The following LRP6 variants were observed in gnomAD, a reference collection of about 807,000 sequenced individuals.
LRP6 encodes LDL receptor related protein 6, also known as low-density lipoprotein receptor-related protein 6.
LRP6 carries 43 observed loss-of-function variants against 184.1 expected under a neutral mutation model. That is an observed-to-expected ratio of 0.23 (90% CI 0.18 to 0.30). LRP6 has a LOEUF of 0.30. Ranked by LOEUF, LRP6 falls within the 10% of genes least tolerant of loss-of-function variation. LRP6 has a pLI of 1.00. For missense variants in LRP6, 1,571 were observed against 2,005.3 expected (o/e 0.78, Z 4.14); for synonymous variants, 719 against 684.9 (o/e 1.05, Z -0.78).
At chr12:12,159,187 A>T in intron 11 of LRP6, 32 bp from the exon 12 acceptor site, 1 of 1,536,374 alleles carries the variant, frequency 6.5e-7, no homozygotes, top group Non-Finnish European at 9.0e-7. Flanking sequence ...ACAGGGGAGA[A>T]GCAGAGTGAT....
At chr12:12,220,845 C>T (rs1864468624) in intron 2 of LRP6, among the ~76,000 whole-genome samples, 1 of 152,170 alleles carries the variant, frequency 6.6e-6, no homozygotes, top group Non-Finnish European at 1.5e-5. Flanking sequence ...AGTGATCCGC[C>T]CACCTCAGTC....
intron 20 of LRP6, among the ~76,000 whole-genome samples, 179 bp downstream of exon 20, chr12:12,126,512 A>G (rs1949673341): frequency 6.6e-6 from 1 of 152,222 alleles, no homozygotes; most frequent in Non-Finnish European, 1.5e-5. Flanking sequence ...AACCATATCT[A>G]AGGCCTTCTG....
chr12:12,180,820 G>A (rs1011842939), intron 6 of LRP6, among the ~76,000 whole-genome samples: 10 of 152,022 alleles, frequency 6.6e-5, no homozygotes, highest in Non-Finnish European at 1.0e-4. Context: ...AGCAAACATG[G>A]ACTTAATTTA....
intron 15 of LRP6, among the ~76,000 whole-genome samples, chr12:12,145,624 CT>C (rs1157764946): frequency 1.0e-3 from 80 of 80,342 alleles, no homozygotes; most frequent in Admixed American, 1.8e-3. Context: ...TTTTCTTTTT[CT>C]TTTTTTTTTT....
At chr12:12,236,027 C>T (rs927488971) in intron 2 of LRP6, among the ~76,000 whole-genome samples, 2 of 152,062 alleles carry the variant, frequency 1.3e-5, no homozygotes, top group Non-Finnish European at 2.9e-5. Flanking sequence ...AGATCGAGAC[C>T]ATCCGGGCTA....
Position 12,164,435 on chromosome 12 carries a change from T to C in LRP6, c.1890A>G (p.Pro630=), listed in dbSNP as rs1169040365. The part of the protein sequence containing the change: ...LISDMKTCIV[P]EAFLLFSRRA... ...TCCGTGAAAACAAAAGGAAAGCCTCTGGGACAATGCAGGTCTTCATGTCAC... is the reference window on the plus strand; with the variant it reads ...TCCGTGAAAACAAAAGGAAAGCCTCCGGGACAATGCAGGTCTTCATGTCAC... Residue 630 remains proline, a synonymous_variant, in exon 9 of 23, where the codon CCA becomes CCG. Coordinates refer to ENST00000261349, the MANE Select transcript of LRP6 (RefSeq NM_002336.3). 1 of 1,614,180 alleles carries C rather than the reference T, an allele frequency of 6.2e-7. No homozygotes were observed. The highest frequency in any genetic ancestry group is 1.7e-5 in the Admixed American group (1 of 60,026).
chr12:12,212,453 A>G (rs1864237651), intron 2 of LRP6, among the ~76,000 whole-genome samples: 1 of 152,090 alleles, frequency 6.6e-6, no homozygotes, highest in African/African-American at 2.4e-5. Context: ...ACCCACTTCC[A>G]CACCTTGTCC....
intron 2 of LRP6, among the ~76,000 whole-genome samples, chr12:12,231,016 A>T (rs1190839342): frequency 6.6e-6 from 1 of 151,808 alleles, no homozygotes; most frequent in Non-Finnish European, 1.5e-5. Flanking sequence ...CCCCGTCTCT[A>T]CTAAAAATAC....
rs144405326 is a variant in LRP6 at position 12,202,852 on chromosome 12, C to T, written c.647+351G>A. The stretch of plus-strand genomic sequence containing the variant: ...CAACCTTGGACCTCCCCTCCACCAC[C>T]GGAACTAAAATACTAGTAGCACTCC... On this transcript the variant is annotated intron_variant, in intron 3 of 22. Coordinates refer to ENST00000261349, the MANE Select transcript of LRP6 (RefSeq NM_002336.3). Among the ~76,000 whole-genome samples, 324 of 152,220 alleles carry T rather than the reference C, an allele frequency of 2.1e-3. 2 individuals are homozygous for T. The highest frequency in any genetic ancestry group is 7.6e-3 in the African/African-American group (315 of 41,540).
intron 7 of LRP6, among the ~76,000 whole-genome samples, chr12:12,171,364 C>CT (rs1863037563): frequency 6.6e-6 from 1 of 151,826 alleles, no homozygotes; most frequent in Non-Finnish European, 1.5e-5. Flanking sequence ...AAAACACACA[C>CT]ACAAAAAACT....
At chr12:12,124,774 G>A (rs1257735505) in intron 21 of LRP6, 112 bp from the exon 22 acceptor site, 1 of 685,028 alleles carries the variant, frequency 1.5e-6, no homozygotes, top group African/African-American at 1.8e-5. Flanking sequence ...TACACTATTA[G>A]CACAATTCTT....
chr12:12,226,081 T>C (rs2135880901), intron 2 of LRP6, among the ~76,000 whole-genome samples: 1 of 152,246 alleles, frequency 6.6e-6, no homozygotes, highest in East Asian at 1.9e-4. Flanking sequence ...TCCAGCCTCC[T>C]CTAACCATTC....
chr12:12,217,242 G>A (rs1864371859), intron 2 of LRP6, among the ~76,000 whole-genome samples: 2 of 152,082 alleles, frequency 1.3e-5, no homozygotes, highest in Non-Finnish European at 2.9e-5. Context: ...TCTCATAAGA[G>A]CATAAACCCT....
chr12:12,246,865 G>A (rs541402172), intron 1 of LRP6, among the ~76,000 whole-genome samples: 6 of 152,232 alleles, frequency 3.9e-5, no homozygotes, highest in African/African-American at 1.4e-4. Flanking sequence ...ACTATAGATT[G>A]TGTCTGTCAA....
At chr12:12,199,592 T>G (rs1366876804) in intron 3 of LRP6, among the ~76,000 whole-genome samples, 1 of 152,110 alleles carries the variant, frequency 6.6e-6, no homozygotes, top group South Asian at 2.1e-4. Flanking sequence ...GGAGGAGCCA[T>G]TCATAATTGC....
chr12:12,163,967 T>G (rs1258866341), intron 9 of LRP6, among the ~76,000 whole-genome samples: 5 of 151,984 alleles, frequency 3.3e-5, no homozygotes. Flanking sequence ...CCGTCACTAC[T>G]AAAAATACAA....
In LRP6 at chr12:12,127,169, G is replaced by A. The variant is rs147886007; in HGVS notation, c.4082-248C>T. 1.1e-4 allele frequency among the ~76,000 whole-genome samples: 16 copies of A among 152,304 alleles called. No homozygotes were observed. In the East Asian group the frequency reaches 2.5e-3, roughly 24 times the overall value. On this transcript the variant is annotated intron_variant, in intron 19 of 22. Coordinates refer to ENST00000261349, the MANE Select transcript of LRP6 (RefSeq NM_002336.3). ...GAAATAAAACAATAGGTTGGAAAGT[G>A]TAATTGTAAACAGATAGAAACAAAG... is the stretch of plus-strand genomic sequence containing the variant.
At chr12:12,249,808 T>C (rs1389392017) in intron 1 of LRP6, among the ~76,000 whole-genome samples, 2 of 152,220 alleles carry the variant, frequency 1.3e-5, no homozygotes, top group African/African-American at 4.8e-5. Context: ...TCTCTAGTTC[T>C]GTCCCTCTAA....
chr12:12,261,346 T>G (rs545314803), intron 1 of LRP6, among the ~76,000 whole-genome samples: 20 of 148,412 alleles, frequency 1.3e-4, no homozygotes, highest in African/African-American at 4.7e-4. Flanking sequence ...GAGCTTGTAG[T>G]GAGCTGAGAT....
Sources: allele counts gnomAD v4.1 joint callset (sites outside exome capture counted in the v4.1 genomes callset), GRCh38; gene constraint gnomAD v4.1.1; transcripts MANE v1.5; gene names NCBI Gene and HGNC (gene_info 2026-07-23, HGNC 2026-07-21).